Variants in RAB38 observed in about 807,000 individuals in gnomAD.
RAB38 encodes RAB38, member RAS oncogene family.
RAB38 carries 15 observed loss-of-function variants against 18.4 expected under a neutral mutation model. The observed-to-expected ratio is 0.82, with a 90% CI of 0.55 to 1.26. The LOEUF (loss-of-function observed/expected upper bound fraction) is 1.26. RAB38 is among the 50% of genes most tolerant of loss of function. The pLI is 0.00. For missense variants in RAB38, 294 were observed against 267.4 expected, an observed-to-expected ratio of 1.10 and a Z score of -0.69; for synonymous variants, 101 against 104.4, an observed-to-expected ratio of 0.97 and a Z score of 0.20.
chr11:88,155,325 C>T (rs1371582673), intron 1 of RAB38, among the ~76,000 whole-genome samples: 2 of 152,142 alleles, frequency 1.3e-5, no homozygotes, highest in Non-Finnish European at 2.9e-5. Flanking sequence ...CAAGTATACA[C>T]CTAGCCACAT....
chr11:87,921,338 A>G, the RAB38 span, among the ~76,000 whole-genome samples: 1 of 151,834 alleles, frequency 6.6e-6, no homozygotes, highest in African/African-American at 2.4e-5. Context: ...CAGCCATGGG[A>G]TAAGGGTAAA....
intron 2 of RAB38, among the ~76,000 whole-genome samples, chr11:88,125,135 G>A (rs1371782950): frequency 6.6e-6 from 1 of 152,094 alleles, no homozygotes; most frequent in Non-Finnish European, 1.5e-5. Context: ...CTTCCAGACT[G>A]TCTCTTAACT....
the RAB38 span, among the ~76,000 whole-genome samples, chr11:87,849,002 A>G: frequency 9.2e-5 from 14 of 152,106 alleles, no homozygotes; most frequent in Non-Finnish European, 1.6e-4. Context: ...CAAGACACAT[A>G]TTTTTCCCTC....
chr11:88,035,760 C>T, the RAB38 span, among the ~76,000 whole-genome samples: 2 of 152,288 alleles, frequency 1.3e-5, no homozygotes, highest in Admixed American at 1.3e-4. Flanking sequence ...CCCATTCTAG[C>T]AAGACTACTT....
the RAB38 span, among the ~76,000 whole-genome samples, chr11:87,958,664 C>G: frequency 3.4e-4 from 52 of 152,214 alleles, no homozygotes; most frequent in African/African-American, 1.2e-3. Context: ...GAATCATTGT[C>G]TTTTTCTAAA....
At chr11:88,174,207 GGTTA>G in intron 1 of RAB38, 1 of 581,312 alleles carries the variant, frequency 1.7e-6, no homozygotes, top group Middle Eastern at 8.7e-4. Context: ...CCACTGAGCA[GGTTA>G]GTTAGTGGCA....
At chr11:88,086,264 C>T in the RAB38 span, among the ~76,000 whole-genome samples, 1 of 151,706 alleles carries the variant, frequency 6.6e-6, no homozygotes, top group Non-Finnish European at 1.5e-5. Context: ...ATTTCTATGC[C>T]AGTAAAATTG....
the RAB38 span, among the ~76,000 whole-genome samples, chr11:88,053,156 A>ATAT: frequency 8.8e-6 from 1 of 113,180 alleles, no homozygotes; most frequent in Non-Finnish European, 1.8e-5. Context: ...TGGAATATAT[A>ATAT]TATACACACA....
At chr11:88,173,900 A>G in intron 1 of RAB38, 1 of 985,448 alleles carries the variant, frequency 1.0e-6, no homozygotes, top group Middle Eastern at 5.2e-4. Flanking sequence ...CCAGATCACA[A>G]ATGCCCTTTC....
the RAB38 span, among the ~76,000 whole-genome samples, chr11:88,036,556 C>T: frequency 1.3e-5 from 2 of 152,070 alleles, no homozygotes; most frequent in African/African-American, 2.4e-5. Context: ...ATAAAGCTCA[C>T]AATTTCTGTG....
chr11:87,931,107 A>T, the RAB38 span, among the ~76,000 whole-genome samples: 1 of 152,058 alleles, frequency 6.6e-6, no homozygotes, highest in African/African-American at 2.4e-5. Context: ...GAAGAAAGTC[A>T]TTGTTAGCTT....
At chr11:88,107,162 A>G in the RAB38 span, among the ~76,000 whole-genome samples, 10 of 152,034 alleles carry the variant, frequency 6.6e-5, no homozygotes, top group Admixed American at 2.0e-4. Flanking sequence ...GATTTTGCCC[A>G]TTTAAAGTAT....
In RAB38 at chr11:88,175,402, C is replaced by G. The variant is rs1187995776; in HGVS notation, c.-18G>C. Reference sequence around the variant, plus strand: ...GCCTGCATCCTGGCGGCCGGCCAGACGTGCCGTGCCTGACCAGGGAAGCGC... The same window carrying G: ...GCCTGCATCCTGGCGGCCGGCCAGAGGTGCCGTGCCTGACCAGGGAAGCGC... On this transcript the variant is annotated 5_prime_UTR_variant, in exon 1 of 3. Transcript: ENST00000243662. 4.4e-6 allele frequency: 7 copies of G among 1,587,898 alleles called. No homozygotes were observed. Among genetic ancestry groups the G allele is most frequent in the East Asian group, 4.7e-5 (2 of 42,832 alleles).
At chr11:87,976,327 T>A in the RAB38 span, among the ~76,000 whole-genome samples, 1 of 143,736 alleles carries the variant, frequency 7.0e-6, no homozygotes, top group Non-Finnish European at 1.5e-5. Flanking sequence ...CCAGAGTTTT[T>A]TATATGTAGG....
chr11:88,024,557 C>A, the RAB38 span, among the ~76,000 whole-genome samples: 1 of 152,274 alleles, frequency 6.6e-6, no homozygotes, highest in Middle Eastern at 3.4e-3. Context: ...GGAAGGAAAT[C>A]ATTTTATCAA....
At position 88,175,377 on chromosome 11, in the gene RAB38, G is replaced by A. The variant is rs966187142; in HGVS notation, c.8C>T (p.Ala3Val). 2 of 1,614,126 alleles carry A rather than the reference G, an allele frequency of 1.2e-6. No homozygotes were observed. ...CTTGTACAGGTGCTCCTTGTGCGGG[G>A]CCTGCATCCTGGCGGCCGGCCAGAC... is the stretch of plus-strand genomic sequence containing the variant. MQ[A>V]PHKEHLYKLL... Residue 3 changes from alanine to valine, a missense_variant, in exon 1 of 3, where the codon GCC becomes GTC. Coordinates refer to ENST00000243662, the MANE Select transcript of RAB38 (RefSeq NM_022337.3).
chr11:87,954,029 C>T, the RAB38 span, among the ~76,000 whole-genome samples: 2 of 152,000 alleles, frequency 1.3e-5, no homozygotes, highest in African/African-American at 2.4e-5. Flanking sequence ...AGAGGTGGGA[C>T]CCCCTAAAGT....
the RAB38 span, among the ~76,000 whole-genome samples, chr11:87,813,535 A>G: frequency 7.0e-6 from 1 of 142,060 alleles, no homozygotes; most frequent in Non-Finnish European, 1.6e-5. Context: ...ACACACACAC[A>G]TCTCTGTCAG....
chr11:87,884,375 A>G, the RAB38 span, among the ~76,000 whole-genome samples: 1 of 151,974 alleles, frequency 6.6e-6, no homozygotes, highest in African/African-American at 2.4e-5. Context: ...TTAACAAAGG[A>G]AAGATCAACT....
Sources: allele counts gnomAD v4.1 joint callset (sites outside exome capture counted in the v4.1 genomes callset), GRCh38; gene constraint gnomAD v4.1.1; transcripts MANE v1.5; gene names NCBI Gene and HGNC (gene_info 2026-07-23, HGNC 2026-07-21).